CACNB2: variants seen among roughly 807,000 people sequenced by gnomAD.
The protein encoded by CACNB2 is calcium voltage-gated channel auxiliary subunit beta 2, also known as voltage-dependent L-type calcium channel subunit beta-2.
Under a neutral mutation model 73.3 loss-of-function variants are expected in CACNB2, and 42 were observed. The ratio of observed to expected loss-of-function variants is 0.57; its 90% CI spans 0.45 to 0.74. The LOEUF (loss-of-function observed/expected upper bound fraction) is 0.74, where lower values mean the gene tolerates loss of function less well. CACNB2 is among the 30% of genes least tolerant of loss of function. The pLI is 0.00. For synonymous variants in CACNB2, 348 were observed against 310.3 expected (o/e 1.12, Z -1.28); for missense variants, 940 against 853.0 (o/e 1.10, Z -1.27).
chr10:18,489,481 G>T (rs573102457), intron 3 of CACNB2, among the ~76,000 whole-genome samples: 7 of 132,442 alleles, frequency 5.3e-5, no homozygotes, highest in Non-Finnish European at 9.5e-5. Flanking sequence ...TTGCAATGTT[G>T]CCCAGGCTAG....
chr10:18,353,551 ACAGTT>A (rs2041799907), intron 2 of CACNB2, among the ~76,000 whole-genome samples: 3 of 152,224 alleles, frequency 2.0e-5, no homozygotes, highest in Non-Finnish European at 4.4e-5. Context: ...GCATTTCTTC[ACAGTT>A]CGCCGATCTA....
chr10:18,304,617 A>C (rs1366125850), intron 2 of CACNB2, among the ~76,000 whole-genome samples: 1 of 152,122 alleles, frequency 6.6e-6, no homozygotes, highest in Admixed American at 6.5e-5. Flanking sequence ...GGGAAACACC[A>C]AGGCAAGGAA....
At position 18,534,086 on chromosome 10, in the gene CACNB2, G is replaced by A. The variant is rs1401095676; in HGVS notation, c.1065G>A (p.Gln355=). 6.2e-7 allele frequency: 1 copy of A among 1,614,088 alleles called. No individual in the cohort carries two copies. The highest frequency in any genetic ancestry group is 8.5e-7 in the Non-Finnish European group (1 of 1,179,964). ...TTTCGCCCTTTACAGCGGAAGTTCA[G>A]AGTGAAATCGAAAGGATTTTTGAAC... ...SNTRSSLAEV[Q]SEIERIFELA... Residue 355 remains glutamine, a synonymous_variant, in exon 11 of 14, where the codon CAG becomes CAA. Transcript: ENST00000324631.
At chr10:18,287,916 G>A (rs1482463122) in intron 2 of CACNB2, among the ~76,000 whole-genome samples, 1 of 152,146 alleles carries the variant, frequency 6.6e-6, no homozygotes, top group Non-Finnish European at 1.5e-5. Flanking sequence ...GATTGTAGGG[G>A]AGGATTCTCC....
intron 9 of CACNB2, among the ~76,000 whole-genome samples, chr10:18,521,409 TCACAC>T (rs1300830263): frequency 6.6e-6 from 1 of 152,166 alleles, no homozygotes; most frequent in Non-Finnish European, 1.5e-5. Context: ...GTAAGGCAAC[TCACAC>T]CCACATCTTA....
At chr10:18,172,807 C>A (rs1415976136) in intron 2 of CACNB2, among the ~76,000 whole-genome samples, 1 of 152,100 alleles carries the variant, frequency 6.6e-6, no homozygotes, top group Non-Finnish European at 1.5e-5. Context: ...TTATGAACAC[C>A]AACTCCAAGC....
At chr10:18,221,586 G>T (rs922478636) in intron 2 of CACNB2, among the ~76,000 whole-genome samples, 1 of 152,154 alleles carries the variant, frequency 6.6e-6, no homozygotes, top group African/African-American at 2.4e-5. Context: ...GGCTGGGGTG[G>T]GAGGACTGCT....
chr10:18,328,122 G>A (rs17610159), intron 2 of CACNB2, among the ~76,000 whole-genome samples: 13,157 of 152,228 alleles, frequency 0.086, 691 homozygotes, highest in Non-Finnish European at 0.12. Context: ...GCTGGGTTTC[G>A]TGGTAGAAAT....
intron 7 of CACNB2, chr10:18,515,150 G>T: frequency 1.1e-6 from 1 of 888,688 alleles, no homozygotes; most frequent in Non-Finnish European, 1.8e-6. Flanking sequence ...GTGGTCATGC[G>T]TAGAGCCTTT....
At chr10:18,206,494 T>G (rs2035098322) in intron 2 of CACNB2, 1 of 152,402 alleles carries the variant, frequency 6.6e-6, no homozygotes. Context: ...GTGCAGTCAC[T>G]TCTTTCTCTC....
At chr10:18,243,690 G>C (rs1365829515) in intron 2 of CACNB2, among the ~76,000 whole-genome samples, 2 of 152,108 alleles carry the variant, frequency 1.3e-5, no homozygotes, top group African/African-American at 4.8e-5. Context: ...AGAAGAGTCT[G>C]GCTCCTCAAT....
intron 3 of CACNB2, among the ~76,000 whole-genome samples, chr10:18,479,477 A>G (rs972391707): frequency 6.6e-6 from 1 of 152,132 alleles, no homozygotes; most frequent in African/African-American, 2.4e-5. Context: ...CTCTTTACAA[A>G]TGTTGACAAA....
intron 2 of CACNB2, among the ~76,000 whole-genome samples, chr10:18,310,938 C>T (rs972201235): frequency 3.3e-5 from 5 of 152,116 alleles, no homozygotes; most frequent in Non-Finnish European, 5.9e-5. Context: ...TCTTCAAATA[C>T]ATTCATTTTA....
chr10:18,298,611 A>G (rs532995684), intron 2 of CACNB2, among the ~76,000 whole-genome samples: 6 of 152,322 alleles, frequency 3.9e-5, no homozygotes, highest in Non-Finnish European at 7.3e-5. Flanking sequence ...ATCTGGGTCT[A>G]TATCCGGTTT....
chr10:18,536,255 T>G (rs2053573419), intron 12 of CACNB2, 59 bp downstream of exon 12: 1 of 648,152 alleles, frequency 1.5e-6, no homozygotes, highest in East Asian at 4.0e-5. Context: ...TTTTTTTTTT[T>G]TTTTTTTTTT....
chr10:18,335,627 A>G (rs1433549894), intron 2 of CACNB2, among the ~76,000 whole-genome samples: 2 of 152,264 alleles, frequency 1.3e-5, no homozygotes, highest in South Asian at 2.1e-4. Flanking sequence ...CCTGTCTTAC[A>G]TGAACCTCAA....
intron 7 of CACNB2, chr10:18,514,969 T>C (rs1180756249): frequency 9.3e-6 from 15 of 1,606,878 alleles, no homozygotes; most frequent in Non-Finnish European, 1.3e-5. Flanking sequence ...TTTAAACTTC[T>C]AATCCACTAG....
At chr10:18,481,535 C>T (rs1428598460) in intron 3 of CACNB2, among the ~76,000 whole-genome samples, 1 of 151,814 alleles carries the variant, frequency 6.6e-6, no homozygotes, top group Non-Finnish European at 1.5e-5. Context: ...ACGTGAGCCA[C>T]CGTACCCGGC....
At chr10:18,368,724 C>G (rs1417224486) in intron 2 of CACNB2, among the ~76,000 whole-genome samples, 1 of 151,972 alleles carries the variant, frequency 6.6e-6, no homozygotes, top group African/African-American at 2.4e-5. Context: ...TTAATTAACC[C>G]TCATGTGTTT....
Sources: allele counts gnomAD v4.1 joint callset (sites outside exome capture counted in the v4.1 genomes callset), GRCh38; gene constraint gnomAD v4.1.1; transcripts MANE v1.5; gene names NCBI Gene and HGNC (gene_info 2026-07-23, HGNC 2026-07-21).